The following CAB39 variants were observed in gnomAD, a reference collection of about 807,000 sequenced individuals.
CAB39 encodes the protein calcium binding protein 39.
Under a neutral mutation model 40.0 loss-of-function variants are expected in CAB39, and 8 were observed. That is an observed-to-expected ratio of 0.20 (90% CI 0.12 to 0.36). CAB39 has a LOEUF of 0.36. CAB39 is among the 10% of genes least tolerant of loss of function. The probability of loss-of-function intolerance (pLI) is 1.00; values close to 1 mark genes in which losing one functional copy is unlikely to be tolerated. For synonymous variants in CAB39, 156 were observed against 141.6 expected, an observed-to-expected ratio of 1.10 and a Z score of -0.72; for missense variants, 270 against 401.1, an observed-to-expected ratio of 0.67 and a Z score of 2.79.
chr2:230,725,349 G>C lies in CAB39; in HGVS notation c.-44+12119G>C, dbSNP rs1434188812. The C allele has an allele frequency of 1.9e-6, 3 of 1,590,434 alleles. No individual in the cohort carries two copies. In the South Asian group the frequency reaches 3.3e-5, roughly 18 times the overall value. ...CCAATCCCAGCCAGGCTCCCCACTG[G>C]CTTCTCCCCCATGGGCTCTGCCACG... On this transcript the variant is annotated intron_variant, in intron 1 of 8. Transcript: ENST00000258418.
chr2:230,810,421 G>C (rs1345868657), intron 6 of CAB39, 99 bp downstream of exon 6: 2 of 498,852 alleles, frequency 4.0e-6, no homozygotes, highest in Non-Finnish European at 7.2e-6. Context: ...TATTTATTTT[G>C]CATATGTAAT....
intron 2 of CAB39, among the ~76,000 whole-genome samples, chr2:230,774,849 A>G (rs578209264): frequency 1.8e-4 from 27 of 150,132 alleles, no homozygotes; most frequent in Admixed American, 1.7e-3. Context: ...CTATGCAGAC[A>G]TTTTCTTTAG....
intron 1 of CAB39, among the ~76,000 whole-genome samples, chr2:230,746,993 C>A (rs761103697): frequency 6.6e-6 from 1 of 152,132 alleles, no homozygotes; most frequent in African/African-American, 2.4e-5. Flanking sequence ...TTTTAAAAAT[C>A]TTACGGGTAT....
intron 2 of CAB39, among the ~76,000 whole-genome samples, chr2:230,764,589 G>A (rs1018784200): frequency 3.9e-5 from 6 of 152,172 alleles, no homozygotes; most frequent in Non-Finnish European, 7.3e-5. Flanking sequence ...TAACACCACT[G>A]ATCTCATTAG....
intron 1 of CAB39, among the ~76,000 whole-genome samples, chr2:230,745,263 C>T (rs377188236): frequency 7.2e-5 from 11 of 152,176 alleles, no homozygotes; most frequent in South Asian, 4.2e-4. Context: ...GAGAATGTTC[C>T]GCTAACAATG....
chr2:230,725,442 G>A lies in CAB39; in HGVS notation c.-44+12212G>A, dbSNP rs1389701848. Reference sequence around the variant, plus strand: ...AATCCGCAACTTCAGTTCCCGTAACGGTTCCTCCCGCCACCCGGCCACTCC... The same window carrying A: ...AATCCGCAACTTCAGTTCCCGTAACAGTTCCTCCCGCCACCCGGCCACTCC... On this transcript the variant is annotated intron_variant, in intron 1 of 8. Coordinates refer to ENST00000258418, the MANE Select transcript of CAB39 (RefSeq NM_016289.4). 13 of 1,520,278 alleles carry A rather than the reference G, an allele frequency of 8.6e-6. No homozygotes were observed. The Admixed American group carries it at 1.2e-4, about 14-fold the overall frequency. The allele number at this position is 1,520,278 out of a possible 1,614,324, so 94.2% of individuals were successfully genotyped here. A position where few individuals can be genotyped will look rare whatever the true frequency, so the allele number is the denominator to read the frequency against.
At chr2:230,772,627 G>C (rs1695502694) in intron 2 of CAB39, among the ~76,000 whole-genome samples, 1 of 152,002 alleles carries the variant, frequency 6.6e-6, no homozygotes, top group Non-Finnish European at 1.5e-5. Context: ...TGGGACTACA[G>C]GTGCCCACCA....
intron 2 of CAB39, among the ~76,000 whole-genome samples, chr2:230,768,375 G>A (rs1298903549): frequency 6.6e-6 from 1 of 152,098 alleles, no homozygotes; most frequent in African/African-American, 2.4e-5. Flanking sequence ...GGTGGTCCTG[G>A]TATTGTCCAT....
intron 1 of CAB39, among the ~76,000 whole-genome samples, chr2:230,737,444 T>C (rs1694806373): frequency 6.6e-6 from 1 of 152,192 alleles, no homozygotes; most frequent in Non-Finnish European, 1.5e-5. Flanking sequence ...TTCAAGCCAC[T>C]ATGAGTCTGA....
At chr2:230,762,087 T>C (rs571418015) in intron 2 of CAB39, among the ~76,000 whole-genome samples, 3 of 152,260 alleles carry the variant, frequency 2.0e-5, no homozygotes, top group East Asian at 3.9e-4. Flanking sequence ...TTTGTAGTTT[T>C]AGTAGAGACG....
intron 7 of CAB39, among the ~76,000 whole-genome samples, chr2:230,814,374 C>T (rs1030800186): frequency 3.9e-5 from 6 of 152,094 alleles, no homozygotes; most frequent in Non-Finnish European, 8.8e-5. Flanking sequence ...GCAGTGCATT[C>T]TTTGCGATTT....
At chr2:230,773,908 G>A (rs1321194375) in intron 2 of CAB39, among the ~76,000 whole-genome samples, 1 of 152,124 alleles carries the variant, frequency 6.6e-6, no homozygotes, top group Admixed American at 6.6e-5. Context: ...TTCTGAAGAG[G>A]TATTGACATG....
chr2:230,798,299 A>G (rs1332958625), intron 4 of CAB39, among the ~76,000 whole-genome samples: 1 of 152,050 alleles, frequency 6.6e-6, no homozygotes, highest in Non-Finnish European at 1.5e-5. Context: ...ATGTTTGTAG[A>G]CCTATTTAGA....
intron 2 of CAB39, among the ~76,000 whole-genome samples, chr2:230,788,051 G>A (rs1250062357): frequency 6.6e-6 from 1 of 152,298 alleles, no homozygotes; most frequent in East Asian, 1.9e-4. Flanking sequence ...AATACCATGA[G>A]ACTATATGAT....
At chr2:230,818,313 C>CACT in intron 8 of CAB39, 1 of 534,124 alleles carries the variant, frequency 1.9e-6, no homozygotes, top group Non-Finnish European at 3.3e-6. Flanking sequence ...ATGAGTTTAT[C>CACT]AGTCGTATTT....
chr2:230,732,439 C>T (rs1271224281), intron 1 of CAB39, among the ~76,000 whole-genome samples: 1 of 152,102 alleles, frequency 6.6e-6, no homozygotes, highest in Non-Finnish European at 1.5e-5. Context: ...TTTTAAGACC[C>T]CTTACTTGGG....
intron 1 of CAB39, among the ~76,000 whole-genome samples, chr2:230,740,865 A>T (rs1694864305): frequency 6.6e-6 from 1 of 152,188 alleles, no homozygotes; most frequent in African/African-American, 2.4e-5. Flanking sequence ...GGGGCTTCCT[A>T]TGCAACATGT....
At chr2:230,745,147 A>G (rs1347103709) in intron 1 of CAB39, among the ~76,000 whole-genome samples, 1 of 152,230 alleles carries the variant, frequency 6.6e-6, no homozygotes, top group Non-Finnish European at 1.5e-5. Context: ...TCATTCATTC[A>G]TTAAAGATAG....
At chr2:230,759,470 A>T (rs555173877) in intron 1 of CAB39, among the ~76,000 whole-genome samples, 1 of 152,350 alleles carries the variant, frequency 6.6e-6, no homozygotes, top group East Asian at 1.9e-4. Context: ...GTGGTGATTA[A>T]GGACGCTTTG....
Sources: allele counts gnomAD v4.1 joint callset (sites outside exome capture counted in the v4.1 genomes callset), GRCh38; gene constraint gnomAD v4.1.1; transcripts MANE v1.5; gene names NCBI Gene and HGNC (gene_info 2026-07-23, HGNC 2026-07-21).